RASAL2: variants seen among roughly 807,000 people sequenced by gnomAD.
RASAL2 encodes RAS protein activator like 2, also known as ras GTPase-activating protein nGAP.
RASAL2 carries 58 observed loss-of-function variants against 128.9 expected under a neutral mutation model. That is an observed-to-expected ratio of 0.45 (90% CI 0.36 to 0.56). RASAL2 has a LOEUF of 0.56. Among genes scored for constraint, RASAL2 ranks in the 20% least tolerant of loss-of-function variants. RASAL2 has a pLI of 0.00. For missense variants in RASAL2, 1,360 were observed against 1,601.6 expected, an observed-to-expected ratio of 0.85 and a Z score of 2.57; for synonymous variants, 561 against 580.8, an observed-to-expected ratio of 0.97 and a Z score of 0.49.
chr1:178,359,048 A>C (rs1253536497), intron 3 of RASAL2, among the ~76,000 whole-genome samples: 1 of 152,242 alleles, frequency 6.6e-6, no homozygotes, highest in Non-Finnish European at 1.5e-5. Context: ...AAAAGTTCAA[A>C]AGAATATATA....
chr1:178,196,166 C>G (rs1662651926), intron 1 of RASAL2, among the ~76,000 whole-genome samples: 1 of 151,988 alleles, frequency 6.6e-6, no homozygotes, highest in African/African-American at 2.4e-5. Context: ...CCTTGGGGTA[C>G]TTCTTCTCAT....
At chr1:178,254,774 A>G (rs1330380879) in intron 1 of RASAL2, among the ~76,000 whole-genome samples, 1 of 152,156 alleles carries the variant, frequency 6.6e-6, no homozygotes, top group Non-Finnish European at 1.5e-5. Flanking sequence ...GTAGCAGAGA[A>G]CTCCCCCAAT....
At position 178,212,490 on chromosome 1, in the gene RASAL2, C is replaced by CT. The variant is rs577661067; in HGVS notation, c.203-71065dup. ...AGTGAGATGATGTAGACTTCTAACT[C>CT]TTTTTTTTTCTGTTTTTTTGAGACG... On this transcript the variant is annotated intron_variant, in intron 1 of 17. Coordinates refer to ENST00000367649, the MANE Select transcript of RASAL2 (RefSeq NM_170692.4). Among the ~76,000 whole-genome samples the CT allele has an allele frequency of 5.8e-3, 884 of 151,342 alleles. 13 individuals are homozygous for CT. Among genetic ancestry groups the CT allele is most frequent in the African/African-American group, 0.019 (788 of 41,256 alleles).
At chr1:178,152,715 T>G (rs1468626734) in intron 1 of RASAL2, among the ~76,000 whole-genome samples, 2 of 152,080 alleles carry the variant, frequency 1.3e-5, no homozygotes, top group African/African-American at 2.4e-5. Flanking sequence ...GGTAGAAAAT[T>G]TTATACATAC....
In RASAL2 at chr1:178,303,004, G is replaced by A. The variant is rs932234015; in HGVS notation, c.457+2886G>A. On this transcript the variant is annotated intron_variant, in intron 3 of 17. Coordinates refer to ENST00000367649, the MANE Select transcript of RASAL2 (RefSeq NM_170692.4). ...TGCACTCCAGCCTGGGAGACAGAGC[G>A]ACACTCCATCTCAAAAAAAAACAAA... 2.6e-5 allele frequency among the ~76,000 whole-genome samples: 4 copies of A among 151,942 alleles called. No individual in the cohort carries two copies. In the South Asian group the frequency reaches 6.2e-4, roughly 24 times the overall value.
intron 4 of RASAL2, among the ~76,000 whole-genome samples, chr1:178,401,673 A>G (rs1395425428): frequency 1.3e-5 from 2 of 152,156 alleles, no homozygotes; most frequent in Admixed American, 6.5e-5. Context: ...TACTAATAAT[A>G]AATAAATTAA....
chr1:178,237,805 C>A (rs1664320525), intron 1 of RASAL2, among the ~76,000 whole-genome samples: 1 of 152,098 alleles, frequency 6.6e-6, no homozygotes, highest in African/African-American at 2.4e-5. Context: ...GTTGTTCAAC[C>A]ATCACCATCA....
chr1:178,211,223 TG>T (rs1375345635), intron 1 of RASAL2, among the ~76,000 whole-genome samples: 4 of 152,178 alleles, frequency 2.6e-5, no homozygotes, highest in African/African-American at 9.7e-5. Context: ...TCTGGTTAGT[TG>T]TTTCATATGT....
At chr1:178,236,756 C>CTTTTTTTTT (rs549848632) in intron 1 of RASAL2, among the ~76,000 whole-genome samples, 1 of 118,428 alleles carries the variant, frequency 8.4e-6, no homozygotes, top group African/African-American at 3.3e-5. Context: ...TTGGACACTA[C>CTTTTTTTTT]TTTTTTTTTT....
intron 4 of RASAL2, among the ~76,000 whole-genome samples, chr1:178,394,339 A>G (rs1409868723): frequency 6.6e-6 from 1 of 152,210 alleles, no homozygotes; most frequent in African/African-American, 2.4e-5. Flanking sequence ...GATGATGAGG[A>G]ACAATTGAAT....
rs527558726 is a variant in RASAL2, at chr1:178,429,711, C to T, written c.674+9091C>T. Among the ~76,000 whole-genome samples the T allele has an allele frequency of 2.0e-5, 3 of 152,240 alleles. No individual in the cohort carries two copies. In the South Asian group the frequency reaches 6.2e-4, roughly 32 times the overall value. On this transcript the variant is annotated intron_variant, in intron 5 of 17. Transcript: ENST00000367649. ...AGTCTTTCCCTCTCAATATTACCTC[C>T]TGTCACTCCTGCCAAAAGTCTTCTT...
chr1:178,317,931 T>G (rs1442585856), intron 3 of RASAL2, among the ~76,000 whole-genome samples: 8 of 151,800 alleles, frequency 5.3e-5, no homozygotes, highest in African/African-American at 9.7e-5. Context: ...TGGGCATTTA[T>G]TGCTATAAAT....
In RASAL2 at chr1:178,307,445, C is replaced by T. The variant is rs573144890; in HGVS notation, c.457+7327C>T. On this transcript the variant is annotated intron_variant, in intron 3 of 17. Transcript: ENST00000367649. ...ATCAAAAGACTATCTAGATTCAAACCATGCAAAGCATGACTTGCTGAATTT... is the reference window on the plus strand; with the variant it reads ...ATCAAAAGACTATCTAGATTCAAACTATGCAAAGCATGACTTGCTGAATTT... 2.0e-5 allele frequency among the ~76,000 whole-genome samples: 3 copies of T among 152,186 alleles called. No individual in the cohort carries two copies. In the South Asian group the frequency reaches 6.2e-4, roughly 32 times the overall value.
chr1:178,095,939 C>A (rs925874387), intron 1 of RASAL2, among the ~76,000 whole-genome samples: 5 of 152,094 alleles, frequency 3.3e-5, no homozygotes, highest in Non-Finnish European at 7.4e-5. Context: ...TCCAGGAATT[C>A]TTCTTATAAC....
intron 3 of RASAL2, among the ~76,000 whole-genome samples, chr1:178,301,227 T>C (rs1408848720): frequency 6.6e-6 from 1 of 152,230 alleles, no homozygotes; most frequent in Non-Finnish European, 1.5e-5. Context: ...GATTTTTCTC[T>C]CATCTTATTT....
chr1:178,415,047 TATTG>T (rs1674665031), intron 4 of RASAL2, among the ~76,000 whole-genome samples: 1 of 152,152 alleles, frequency 6.6e-6, no homozygotes, highest in South Asian at 2.1e-4. Flanking sequence ...TGCTTTTATC[TATTG>T]ATTTATTGTT....
chr1:178,269,719 C>T (rs1362662572), intron 1 of RASAL2, among the ~76,000 whole-genome samples: 2 of 152,160 alleles, frequency 1.3e-5, no homozygotes, highest in Non-Finnish European at 2.9e-5. Flanking sequence ...ATAATCTACC[C>T]CTTGTTTAGC....
intron 3 of RASAL2, among the ~76,000 whole-genome samples, chr1:178,302,533 T>A (rs1472739852): frequency 6.6e-6 from 1 of 152,196 alleles, no homozygotes; most frequent in Admixed American, 6.5e-5. Context: ...AATACCATGA[T>A]GATGGTTTAG....
chr1:178,138,594 C>T (rs1441967645), intron 1 of RASAL2, among the ~76,000 whole-genome samples: 1 of 152,054 alleles, frequency 6.6e-6, no homozygotes, highest in Non-Finnish European at 1.5e-5. Context: ...TATGAAAATG[C>T]CCTATTTAAT....
Sources: allele counts gnomAD v4.1 joint callset (sites outside exome capture counted in the v4.1 genomes callset), GRCh38; gene constraint gnomAD v4.1.1; transcripts MANE v1.5; gene names NCBI Gene and HGNC (gene_info 2026-07-23, HGNC 2026-07-21).